Variants in CORO1C observed in about 807,000 individuals in gnomAD.
CORO1C encodes the protein coronin-1C.
Under a neutral mutation model 51.2 loss-of-function variants are expected in CORO1C, and 14 were observed. The observed-to-expected ratio is 0.27, with a 90% confidence interval of 0.18 to 0.43. The LOEUF is 0.43. Among genes scored for constraint, CORO1C ranks in the 20% least tolerant of loss-of-function variants. The pLI, the probability that CORO1C is intolerant of heterozygous loss-of-function variation, is 1.00. For synonymous variants in CORO1C, 181 were observed against 210.5 expected (o/e 0.86, Z 1.21); for missense variants, 417 against 607.8 (o/e 0.69, Z 3.30).
Position 108,711,779 on chromosome 12 carries a change from G to A in CORO1C, c.-5-10456C>T, listed in dbSNP as rs906432482. Among the ~76,000 whole-genome samples the A allele has an allele frequency of 8.6e-5, 13 of 151,820 alleles. 1 individual carries two copies. The highest frequency in any genetic ancestry group is 1.9e-4 in the Non-Finnish European group (13 of 67,988). On this transcript the variant is annotated intron_variant, in intron 1 of 10. Transcript: ENST00000261401. ...AAGACAGGGTATTTATATTGCAACAGCACCAAATAAAATACACTCAAAACA... is the reference window on the plus strand; with the variant it reads ...AAGACAGGGTATTTATATTGCAACAACACCAAATAAAATACACTCAAAACA...
intron 1 of CORO1C, among the ~76,000 whole-genome samples, chr12:108,715,489 C>T (rs1402285524): frequency 6.6e-6 from 1 of 152,106 alleles, no homozygotes; most frequent in Non-Finnish European, 1.5e-5. Flanking sequence ...ATGTTTACAA[C>T]CCTCCACATC....
chr12:108,673,662 T>C (rs563565266), intron 3 of CORO1C, among the ~76,000 whole-genome samples: 4 of 152,310 alleles, frequency 2.6e-5, no homozygotes, highest in Non-Finnish European at 5.9e-5. Flanking sequence ...CTGCCTGTCT[T>C]GTTAGAGGCT....
At chr12:108,718,541 CA>C (rs1394892671) in intron 1 of CORO1C, among the ~76,000 whole-genome samples, 2 of 151,520 alleles carry the variant, frequency 1.3e-5, no homozygotes, top group Admixed American at 6.6e-5. Context: ...GACTCCACCT[CA>C]AAAACAAAAA....
intron 9 of CORO1C, 30 bp from the exon 10 acceptor site, chr12:108,648,880 A>G (rs774331944): frequency 1.2e-6 from 2 of 1,613,424 alleles, no homozygotes; most frequent in Non-Finnish European, 1.7e-6. Context: ...CCCGTGGGTA[A>G]GGAAGAAGAA....
At chr12:108,655,641 C>A (rs899813636) in intron 6 of CORO1C, among the ~76,000 whole-genome samples, 3 of 152,238 alleles carry the variant, frequency 2.0e-5, no homozygotes, top group African/African-American at 7.2e-5. Context: ...CTCGGCCTCC[C>A]GAGGTGCCGG....
intron 1 of CORO1C, among the ~76,000 whole-genome samples, chr12:108,726,548 G>A (rs141821039): frequency 1.3e-5 from 2 of 151,740 alleles, no homozygotes; most frequent in East Asian, 1.9e-4. Context: ...GGTGCATCAC[G>A]CCTATAATCC....
At chr12:108,701,677 C>A in intron 1 of CORO1C, 2 of 233,624 alleles carry the variant, frequency 8.6e-6, no homozygotes, top group Non-Finnish European at 1.7e-5. Context: ...TCCCCTTTTA[C>A]AGATAAGAAA....
At chr12:108,690,169 A>C (rs1436605132) in intron 2 of CORO1C, among the ~76,000 whole-genome samples, 1 of 152,350 alleles carries the variant, frequency 6.6e-6, no homozygotes, top group South Asian at 2.1e-4. Flanking sequence ...AGACGGGTGC[A>C]CACAATATAT....
chr12:108,661,075 A>G (rs1467682537), intron 4 of CORO1C, among the ~76,000 whole-genome samples: 2 of 152,208 alleles, frequency 1.3e-5, no homozygotes, highest in African/African-American at 4.8e-5. Context: ...CATACAATAC[A>G]ATGCACCCAT....
chr12:108,701,355 T>G (rs1196302357), intron 1 of CORO1C, 32 bp from the exon 2 acceptor site: 2 of 1,613,556 alleles, frequency 1.2e-6, no homozygotes, highest in Admixed American at 1.7e-5. Flanking sequence ...TATGTTAGAA[T>G]TATGCACCAA....
At chr12:108,684,804 GA>G (rs1402602041) in intron 2 of CORO1C, among the ~76,000 whole-genome samples, 8 of 151,158 alleles carry the variant, frequency 5.3e-5, no homozygotes, top group East Asian at 1.9e-4. Flanking sequence ...ATCTTATTTT[GA>G]AAAAAAGAAT....
intron 2 of CORO1C, among the ~76,000 whole-genome samples, chr12:108,696,651 T>C (rs960429112): frequency 6.6e-6 from 1 of 152,204 alleles, no homozygotes; most frequent in African/African-American, 2.4e-5. Context: ...GTATTCCTCA[T>C]AGCCAAAACC....
intron 1 of CORO1C, among the ~76,000 whole-genome samples, chr12:108,708,742 G>A (rs1303251529): frequency 2.6e-5 from 4 of 152,120 alleles, no homozygotes; most frequent in Middle Eastern, 3.2e-3. Context: ...GATTACGGGC[G>A]TGAGCCACCG....
Position 108,730,485 on chromosome 12 carries a change from G to A in CORO1C, c.-6+944C>T, listed in dbSNP as rs113697866. 7.7e-3 allele frequency: 1,180 copies of A among 152,386 alleles called. 2 individuals are homozygous for A. The highest frequency in any genetic ancestry group is 0.011 in the Non-Finnish European group (743 of 68,118). 9.4% of individuals were successfully genotyped at this position (152,386 alleles called of 1,614,324 possible). ...GGAGCGTGCGCCGGTGGGGACAGGC[G>A]GGAGAGCTCGGTTTCTGCATTCCCA... On this transcript the variant is annotated intron_variant, in intron 1 of 10. Coordinates refer to ENST00000261401, the MANE Select transcript of CORO1C (RefSeq NM_014325.4).
intron 1 of CORO1C, among the ~76,000 whole-genome samples, chr12:108,723,767 T>C (rs774845604): frequency 6.6e-6 from 1 of 152,214 alleles, no homozygotes. Flanking sequence ...TTACAATCTA[T>C]ATATTAATAG....
At chr12:108,691,237 C>T (rs2034484428) in intron 2 of CORO1C, among the ~76,000 whole-genome samples, 1 of 152,156 alleles carries the variant, frequency 6.6e-6, no homozygotes, top group African/African-American at 2.4e-5. Flanking sequence ...ACATGTGTCC[C>T]ATCACATGCC....
intron 1 of CORO1C, among the ~76,000 whole-genome samples, chr12:108,709,226 T>G (rs2035114245): frequency 6.6e-6 from 1 of 152,146 alleles, no homozygotes; most frequent in African/African-American, 2.4e-5. Context: ...TATAAAGTAC[T>G]CAGCATAGAA....
At chr12:108,713,662 C>T (rs1411129490) in intron 1 of CORO1C, among the ~76,000 whole-genome samples, 2 of 152,204 alleles carry the variant, frequency 1.3e-5, no homozygotes, top group Non-Finnish European at 2.9e-5. Flanking sequence ...AGCCTGAAGA[C>T]GTATAACTCC....
rs1286182795 is a variant in CORO1C, at chr12:108,724,109, C to T, written c.-6+7320G>A. Among the ~76,000 whole-genome samples, 6 of 152,226 alleles carry T rather than the reference C, an allele frequency of 3.9e-5. No individual in the cohort carries two copies. In the East Asian group the frequency reaches 1.2e-3, roughly 29 times the overall value. ...AATCCTCCTAAAAACCTGGACCAAA[C>T]TTCACAGTTTAATACATGCACAACC... On this transcript the variant is annotated intron_variant, in intron 1 of 10. Coordinates refer to ENST00000261401, the MANE Select transcript of CORO1C (RefSeq NM_014325.4).
Sources: allele counts gnomAD v4.1 joint callset (sites outside exome capture counted in the v4.1 genomes callset), GRCh38; gene constraint gnomAD v4.1.1; transcripts MANE v1.5; gene names NCBI Gene and HGNC (gene_info 2026-07-23, HGNC 2026-07-21).